The following UFL1 variants were observed in gnomAD, a reference collection of about 807,000 sequenced individuals.
UFL1 encodes UFM1 specific ligase 1.
UFL1 carries 78 observed loss-of-function variants against 99.3 expected under a neutral mutation model. That is an observed-to-expected ratio of 0.79 (90% CI 0.65 to 0.95). The LOEUF (loss-of-function observed/expected upper bound fraction) is 0.95, where lower values mean the gene tolerates loss of function less well. Ranked by LOEUF, UFL1 falls within the 40% of genes least tolerant of loss-of-function variation. The pLI, the probability that UFL1 is intolerant of heterozygous loss-of-function variation, is 0.00. For missense variants in UFL1, 936 were observed against 937.0 expected (o/e 1.00, Z 0.01); for synonymous variants, 335 against 322.2 (o/e 1.04, Z -0.42).
chr6:96,536,880 C>T (rs1582440932), intron 8 of UFL1, among the ~76,000 whole-genome samples: 1 of 151,494 alleles, frequency 6.6e-6, no homozygotes, highest in African/African-American at 2.4e-5. Flanking sequence ...TTAACTAATA[C>T]TTTGGAAACA....
Position 96,540,758 on chromosome 6 carries a change from T to G in UFL1, c.1279+103T>G, listed in dbSNP as rs1769920196. ...CCCTTTGAAAGGCCCTTTGTTTTATTGATTTACCTTTAAACAGCTAATATC... is the reference window on the plus strand; with the variant it reads ...CCCTTTGAAAGGCCCTTTGTTTTATGGATTTACCTTTAAACAGCTAATATC... On this transcript the variant is annotated intron_variant, in intron 11 of 18. Transcript: ENST00000369278. The G allele has an allele frequency of 6.5e-6, 9 of 1,388,044 alleles. No homozygotes were observed. In the South Asian group the frequency reaches 1.3e-4, roughly 20 times the overall value. 86.0% of individuals were successfully genotyped at this position (1,388,044 alleles called of 1,614,324 possible).
chr6:96,527,384 G>C (rs984408223), intron 5 of UFL1, among the ~76,000 whole-genome samples: 3 of 152,048 alleles, frequency 2.0e-5, no homozygotes, highest in African/African-American at 7.2e-5. Flanking sequence ...AATAATGCTA[G>C]TTCTTTTTAT....
intron 4 of UFL1, 79 bp downstream of exon 4, chr6:96,525,473 ATTATGGCCAG>A: frequency 9.9e-7 from 1 of 1,013,356 alleles, no homozygotes. Context: ...ATTTAGGCCA[ATTATGGCCAG>A]TTAGACATTT....
At chr6:96,536,630 G>C (rs1769858013) in intron 8 of UFL1, among the ~76,000 whole-genome samples, 1 of 151,646 alleles carries the variant, frequency 6.6e-6, no homozygotes, top group Non-Finnish European at 1.5e-5. Flanking sequence ...GTGGGTCTTG[G>C]AACTGAGTTT....
chr6:96,538,746 G>A lies in UFL1; in HGVS notation c.1094G>A (p.Ser365Asn). Residue 365 changes from serine to asparagine, a missense_variant, in exon 10 of 19, where the codon AGT becomes AAT. Ser to Asn is a conservative substitution (Grantham distance 46). Coordinates refer to ENST00000369278, the MANE Select transcript of UFL1 (RefSeq NM_015323.5). ...GTCTTTAGCGACACTGTTGTAGTCA[G>A]TGAAAAATTTATAAATGACTGTACA... ...TVVFSDTVVV[S>N]EKFINDCTEL... The A allele has an allele frequency of 6.2e-7, 1 of 1,611,322 alleles. No homozygotes were observed. The highest frequency in any genetic ancestry group is 1.1e-5 in the South Asian group (1 of 90,974).
chr6:96,548,104 C>A, intron 12 of UFL1, 60 bp from the exon 13 acceptor site: 1 of 1,103,468 alleles, frequency 9.1e-7, no homozygotes, highest in East Asian at 2.7e-5. Flanking sequence ...GCCCTATTTG[C>A]CATTTGGTTG....
At position 96,548,232 on chromosome 6, in the gene UFL1, C is replaced by G. The variant is rs748842228; in HGVS notation, c.1471C>G (p.Gln491Glu). ...TGAAGATTTTTTAAGAAAACACATACAAGATGCCCCTGAGGAGTTTATTTC... is the reference window on the plus strand; with the variant it reads ...TGAAGATTTTTTAAGAAAACACATAGAAGATGCCCCTGAGGAGTTTATTTC... ...EIEDFLRKHI[Q>E]DAPEEFISEL... The change falls in exon 13 of 19, where the codon CAA becomes GAA. Residue 491 changes from glutamine to glutamate, a missense_variant. Transcript: ENST00000369278. 6 of 1,607,854 alleles carry G rather than the reference C, an allele frequency of 3.7e-6. No homozygotes were observed. Among genetic ancestry groups the G allele is most frequent in the Non-Finnish European group, 4.2e-6 (5 of 1,176,888 alleles).
chr6:96,553,464 T>G lies in UFL1; in HGVS notation c.2346T>G (p.Leu782=). ...LQELSSSIKD[L]VLKSRKSSVT... ...AACTTTCTTCATCCATTAAAGACCTTGTTCTCAAATCTAGGAAATCATCTG... is the reference window on the plus strand; with the variant it reads ...AACTTTCTTCATCCATTAAAGACCTGGTTCTCAAATCTAGGAAATCATCTG... The change falls in exon 19 of 19, where the codon CTT becomes CTG. Residue 782 remains leucine (L), a synonymous_variant. Transcript: ENST00000369278. The G allele has an allele frequency of 2.5e-6, 4 of 1,613,662 alleles. No homozygotes were observed. The South Asian group carries it at 3.3e-5, about 13-fold the overall frequency.
chr6:96,525,679 T>TAA (rs199586317), intron 4 of UFL1, among the ~76,000 whole-genome samples: 2 of 110,896 alleles, frequency 1.8e-5, no homozygotes, highest in African/African-American at 3.4e-5. Flanking sequence ...TGTCTCAAAT[T>TAA]AAAAAAAAAA....
At chr6:96,551,222 T>C (rs1236530077) in intron 15 of UFL1, among the ~76,000 whole-genome samples, 1 of 151,716 alleles carries the variant, frequency 6.6e-6, no homozygotes, top group Admixed American at 6.6e-5. Flanking sequence ...CTTACATTGA[T>C]GGAGCAGGTG....
Position 96,543,534 on chromosome 6 carries a change from A to G in UFL1, c.1402+518A>G, listed in dbSNP as rs956084795. Among the ~76,000 whole-genome samples, 8 of 151,262 alleles carry G rather than the reference A, an allele frequency of 5.3e-5. 1 individual carries two copies. Among genetic ancestry groups the G allele is most frequent in the Admixed American group, 4.6e-4 (7 of 15,102 alleles). On this transcript the variant is annotated intron_variant, in intron 12 of 18. Coordinates refer to ENST00000369278, the MANE Select transcript of UFL1 (RefSeq NM_015323.5). ...TGATAACACTGAAAATAAAATTGGA[A>G]TCAAGCATAAATGGAGTTATAGAGG...
intron 6 of UFL1, among the ~76,000 whole-genome samples, chr6:96,529,354 T>A (rs1479289550): frequency 6.6e-6 from 1 of 152,202 alleles, no homozygotes; most frequent in Non-Finnish European, 1.5e-5. Context: ...TCATCTATCA[T>A]GCTGTTTGTT....
intron 5 of UFL1, 64 bp from the exon 6 acceptor site, chr6:96,528,438 A>C (rs990316959): frequency 2.6e-6 from 4 of 1,562,018 alleles, no homozygotes; most frequent in Non-Finnish European, 3.5e-6. Context: ...GAGTATGACT[A>C]TGCAAATGCA....
chr6:96,523,459 A>C (rs1769655177), intron 2 of UFL1, among the ~76,000 whole-genome samples, 168 bp downstream of exon 2: 1 of 152,142 alleles, frequency 6.6e-6, no homozygotes, highest in Non-Finnish European at 1.5e-5. Flanking sequence ...GTTCATGCAA[A>C]CATGGTCATA....
intron 12 of UFL1, among the ~76,000 whole-genome samples, chr6:96,545,308 T>A (rs1055386338): frequency 1.3e-5 from 2 of 151,176 alleles, no homozygotes; most frequent in Middle Eastern, 6.3e-3. Flanking sequence ...GGAAATATTG[T>A]TAGCTTTTTT....
chr6:96,534,830 T>C (rs1049504618), intron 7 of UFL1, among the ~76,000 whole-genome samples: 1 of 151,764 alleles, frequency 6.6e-6, no homozygotes, highest in African/African-American at 2.4e-5. Context: ...TTTTAATGCT[T>C]TGCTGAAAAT....
Position 96,554,978 on chromosome 6 carries a change from G to A in UFL1, c.*1475G>A, listed in dbSNP as rs1325193848. 1.3e-5 allele frequency: 2 copies of A among 152,490 alleles called. No homozygotes were observed. The highest frequency in any genetic ancestry group is 4.8e-5 in the African/African-American group (2 of 41,428). 9.4% of individuals were successfully genotyped at this position (152,490 alleles called of 1,614,324 possible). On this transcript the variant is annotated 3_prime_UTR_variant, in exon 19 of 19. Coordinates refer to ENST00000369278, the MANE Select transcript of UFL1 (RefSeq NM_015323.5). ...GAACCTTATCATTTATGTTTCAGTA[G>A]ATATCAAAGTAATCCATGTTTGTGT... is the stretch of plus-strand genomic sequence containing the variant.
At chr6:96,550,737 C>T (rs1770066230) in intron 15 of UFL1, among the ~76,000 whole-genome samples, 1 of 151,908 alleles carries the variant, frequency 6.6e-6, no homozygotes, top group African/African-American at 2.4e-5. Flanking sequence ...GCCCTTATAC[C>T]AATCTCTGCT....
intron 1 of UFL1, 78 bp downstream of exon 1, chr6:96,522,028 C>T (rs1217694766): frequency 1.4e-6 from 2 of 1,468,230 alleles, no homozygotes; most frequent in African/African-American, 1.4e-5. Flanking sequence ...ACTTTAGACC[C>T]GCGGCCCTGC....
Sources: allele counts gnomAD v4.1 joint callset (sites outside exome capture counted in the v4.1 genomes callset), GRCh38; gene constraint gnomAD v4.1.1; transcripts MANE v1.5; gene names NCBI Gene and HGNC (gene_info 2026-07-23, HGNC 2026-07-21).